CSMD1: variants seen among roughly 807,000 people sequenced by gnomAD.
The protein encoded by CSMD1 is CUB and sushi domain-containing protein 1.
Under a neutral mutation model 417.5 loss-of-function variants are expected in CSMD1, and 213 were observed. The observed-to-expected ratio is 0.51, with a 90% CI of 0.46 to 0.57. The LOEUF is 0.57. Among genes scored for constraint, CSMD1 ranks in the 20% least tolerant of loss-of-function variants. CSMD1 has a pLI of 0.00. For synonymous variants in CSMD1, 2,862 were observed against 1,736.8 expected, an observed-to-expected ratio of 1.65 and a Z score of -16.11; for missense variants, 6,923 against 4,529.7, an observed-to-expected ratio of 1.53 and a Z score of -15.17.
intron 1 of CSMD1, among the ~76,000 whole-genome samples, chr8:4,850,739 G>A (rs562786090): frequency 2.2e-4 from 33 of 152,050 alleles, no homozygotes; most frequent in Middle Eastern, 3.4e-3. Flanking sequence ...TGCACTCATT[G>A]TTCCAGTACC....
Position 4,757,082 on chromosome 8 carries a change from C to G in CSMD1, c.86-119524G>C, listed in dbSNP as rs1483392450. Among the ~76,000 whole-genome samples the G allele has an allele frequency of 2.6e-5, 4 of 152,098 alleles. No individual in the cohort carries two copies. In the South Asian group the frequency reaches 6.2e-4, roughly 24 times the overall value. On this transcript the variant is annotated intron_variant, in intron 1 of 69. Transcript: ENST00000635120. ...AAACTGAAACAGAAATGGCAAGAAA[C>G]AGGATAAGTAGGACAAAGAACAAAC...
At chr8:3,360,244 T>G (rs552554442) in intron 20 of CSMD1, among the ~76,000 whole-genome samples, 1 of 152,208 alleles carries the variant, frequency 6.6e-6, no homozygotes, top group East Asian at 1.9e-4. Flanking sequence ...GTGCTAAATA[T>G]AAATTAAAAA....
At chr8:4,842,190 T>A (rs1237172267) in intron 1 of CSMD1, among the ~76,000 whole-genome samples, 3 of 152,172 alleles carry the variant, frequency 2.0e-5, no homozygotes, top group African/African-American at 7.2e-5. Flanking sequence ...TGAAAAGAAT[T>A]GTAGCTGTAA....
At chr8:3,841,888 C>T (rs1178904242) in intron 5 of CSMD1, among the ~76,000 whole-genome samples, 1 of 151,886 alleles carries the variant, frequency 6.6e-6, no homozygotes, top group African/African-American at 2.4e-5. Context: ...GCCACACTGG[C>T]CACGGCAAAG....
chr8:4,764,312 T>C (rs1036377519), intron 1 of CSMD1, among the ~76,000 whole-genome samples: 8 of 152,104 alleles, frequency 5.3e-5, no homozygotes, highest in African/African-American at 1.9e-4. Flanking sequence ...AAACATATAG[T>C]AGAGCAAAAT....
At chr8:3,141,875 G>A (rs1370178321) in intron 41 of CSMD1, among the ~76,000 whole-genome samples, 8 of 150,092 alleles carry the variant, frequency 5.3e-5, no homozygotes. Flanking sequence ...TCTCCTCACT[G>A]CAAGCTCCGC....
At chr8:4,162,653 G>C (rs1173854145) in intron 3 of CSMD1, among the ~76,000 whole-genome samples, 1 of 152,142 alleles carries the variant, frequency 6.6e-6, no homozygotes, top group African/African-American at 2.4e-5. Flanking sequence ...GATATGTCAT[G>C]TAACACCTGC....
chr8:4,077,824 G>C (rs750974258), intron 3 of CSMD1, among the ~76,000 whole-genome samples: 4 of 152,086 alleles, frequency 2.6e-5, no homozygotes, highest in African/African-American at 9.7e-5. Flanking sequence ...GGAATTTTCA[G>C]ATACATAAAC....
At position 2,951,286 on chromosome 8, in the gene CSMD1, G is replaced by T. The variant is rs61695947; in HGVS notation, c.10040-11C>A. 94 of 1,593,960 alleles carry T rather than the reference G, an allele frequency of 5.9e-5. No homozygotes were observed. Among genetic ancestry groups the T allele is most frequent in the Non-Finnish European group, 7.8e-5 (91 of 1,169,838 alleles). The stretch of plus-strand genomic sequence containing the variant: ...AGACATCTGAAGGAACTGTGGGAAG[G>T]GGGGAAACAGACCAATGTCAGCACA... On this transcript the variant is annotated splice_polypyrimidine_tract_variant and intron_variant, in intron 65 of 69. Transcript: ENST00000635120.
chr8:4,435,595 G>C (rs1362561054), intron 2 of CSMD1, among the ~76,000 whole-genome samples: 1 of 152,156 alleles, frequency 6.6e-6, no homozygotes, highest in Non-Finnish European at 1.5e-5. Flanking sequence ...CATGGAATCT[G>C]CTCTTCACGG....
At chr8:3,283,695 C>T (rs1284326256) in intron 26 of CSMD1, among the ~76,000 whole-genome samples, 1 of 152,136 alleles carries the variant, frequency 6.6e-6, no homozygotes, top group Non-Finnish European at 1.5e-5. Context: ...GAAGGACACT[C>T]CCAGGATGCA....
At chr8:3,114,511 C>A (rs1196262044) in intron 42 of CSMD1, among the ~76,000 whole-genome samples, 8 of 151,146 alleles carry the variant, frequency 5.3e-5, no homozygotes, top group Admixed American at 5.3e-4. Context: ...AAAGTTTAAT[C>A]TCCCCTAGTG....
At chr8:4,433,886 G>C (rs1413602707) in intron 2 of CSMD1, among the ~76,000 whole-genome samples, 2 of 152,102 alleles carry the variant, frequency 1.3e-5, no homozygotes, top group African/African-American at 4.8e-5. Context: ...CCATTTCTTT[G>C]ACAATCCTAC....
chr8:3,821,045 T>C (rs1801708628), intron 5 of CSMD1, among the ~76,000 whole-genome samples: 2 of 151,990 alleles, frequency 1.3e-5, no homozygotes, highest in Non-Finnish European at 2.9e-5. Context: ...GCCTCCCCAG[T>C]AGCTGGGATT....
Position 4,390,743 on chromosome 8 carries a change from G to C in CSMD1, c.415+29210C>G, listed in dbSNP as rs181771402. 9.8e-4 allele frequency among the ~76,000 whole-genome samples: 148 copies of C among 151,710 alleles called. 1 individual carries two copies. Among genetic ancestry groups the C allele is most frequent in the South Asian group, 6.3e-3 (30 of 4,796 alleles). ...TTAGCCAGGATGGTCTCGATCTTCT[G>C]ACCTCGTCAGGATGGTCTCAATCTT... On this transcript the variant is annotated intron_variant, in intron 3 of 69. Transcript: ENST00000635120.
intron 3 of CSMD1, among the ~76,000 whole-genome samples, chr8:4,067,181 C>A (rs186968109): frequency 1.3e-5 from 2 of 152,190 alleles, no homozygotes; most frequent in African/African-American, 4.8e-5. Context: ...GGGTGAAAGG[C>A]TATCCTCCGT....
rs1222840841 is a variant in CSMD1 at position 2,978,803 on chromosome 8, A to G, written c.8378-3T>C. On this transcript the variant is annotated splice_polypyrimidine_tract_variant and splice_region_variant and intron_variant, in intron 54 of 69. Transcript: ENST00000635120. ...GCCTGGATCAGAACAGTTCACCACT[A>G]GAAAATAAAACATTTCACACACCAT... 1.9e-6 allele frequency: 3 copies of G among 1,593,574 alleles called. No individual in the cohort carries two copies. The highest frequency in any genetic ancestry group is 2.3e-5 in the South Asian group (2 of 86,870).
intron 3 of CSMD1, among the ~76,000 whole-genome samples, chr8:4,076,225 C>T (rs1403739364): frequency 2.0e-5 from 3 of 152,078 alleles, no homozygotes; most frequent in Non-Finnish European, 4.4e-5. Flanking sequence ...AGGGGCTTTT[C>T]CCCCGTTTCT....
intron 3 of CSMD1, among the ~76,000 whole-genome samples, chr8:4,403,433 C>T (rs1008653185): frequency 6.6e-6 from 1 of 152,100 alleles, no homozygotes; most frequent in Non-Finnish European, 1.5e-5. Context: ...TCACACCTGC[C>T]ATTCGACTCA....
Sources: allele counts gnomAD v4.1 joint callset (sites outside exome capture counted in the v4.1 genomes callset), GRCh38; gene constraint gnomAD v4.1.1; transcripts MANE v1.5; gene names NCBI Gene and HGNC (gene_info 2026-07-23, HGNC 2026-07-21).